The following TRAPPC3L variants were observed in gnomAD, a reference collection of about 807,000 sequenced individuals.
TRAPPC3L encodes the protein trafficking protein particle complex subunit 3-like protein.
TRAPPC3L carries 23 observed loss-of-function variants against 23.7 expected under a neutral mutation model. The ratio of observed to expected loss-of-function variants is 0.97; its 90% CI spans 0.70 to 1.37. The LOEUF (loss-of-function observed/expected upper bound fraction) is 1.37, where lower values mean the gene tolerates loss of function less well. Ranked by LOEUF, TRAPPC3L falls within the 40% of genes most tolerant of loss-of-function variation. TRAPPC3L has a pLI of 0.00. For missense variants in TRAPPC3L, 212 were observed against 216.8 expected (o/e 0.98, Z 0.14); for synonymous variants, 81 against 77.9 (o/e 1.04, Z -0.21).
chr6:116,544,365 C>A (rs1045524509), intron 1 of TRAPPC3L, among the ~76,000 whole-genome samples: 1 of 152,000 alleles, frequency 6.6e-6, no homozygotes. Context: ...ATATTGAAAT[C>A]TATTTTATTT....
At chr6:116,533,818 A>G (rs1172044373) in intron 3 of TRAPPC3L, among the ~76,000 whole-genome samples, 3 of 152,210 alleles carry the variant, frequency 2.0e-5, no homozygotes, top group African/African-American at 4.8e-5. Context: ...GGCAGGGCAT[A>G]GAATACCCAG....
At chr6:116,522,776 A>C (rs1471307637) in intron 3 of TRAPPC3L, 1 of 152,176 alleles carries the variant, frequency 6.6e-6, no homozygotes, top group Non-Finnish European at 1.5e-5. Context: ...GTCGTCTCTC[A>C]AAATGTTATC....
intron 3 of TRAPPC3L, chr6:116,523,522 A>G (rs1006110546): frequency 6.6e-6 from 1 of 152,092 alleles, no homozygotes; most frequent in African/African-American, 2.4e-5. Flanking sequence ...ACATTTTGCA[A>G]CCTTTGATGA....
At chr6:116,532,045 T>C (rs890530712) in intron 3 of TRAPPC3L, among the ~76,000 whole-genome samples, 5 of 152,180 alleles carry the variant, frequency 3.3e-5, no homozygotes, top group Admixed American at 6.5e-5. Flanking sequence ...GGATTTGTTA[T>C]TGTGAACAAC....
chr6:116,496,923 A>G lies in TRAPPC3L; in HGVS notation c.*31T>C. 3 of 1,532,268 alleles carry G rather than the reference A, an allele frequency of 2.0e-6. No individual in the cohort carries two copies. The highest frequency in any genetic ancestry group is 8.8e-7 in the Non-Finnish European group (1 of 1,142,322). The allele number at this position is 1,532,268 out of a possible 1,614,324, so 94.9% of individuals were successfully genotyped here. On this transcript the variant is annotated 3_prime_UTR_variant, in exon 5 of 5. Coordinates refer to ENST00000368602, the MANE Select transcript of TRAPPC3L (RefSeq NM_001139444.3). ...ATGTTTAGCTAACATTAACTCAGCT[A>G]GCCGCCCCGTGGCATTTTCCGTGCT... is the stretch of plus-strand genomic sequence containing the variant.
chr6:116,543,023 C>G (rs1335498929), intron 2 of TRAPPC3L, among the ~76,000 whole-genome samples: 1 of 152,090 alleles, frequency 6.6e-6, no homozygotes, highest in East Asian at 1.9e-4. Flanking sequence ...TTTACCACAT[C>G]TTTTGCTTAT....
intron 3 of TRAPPC3L, among the ~76,000 whole-genome samples, chr6:116,514,388 G>T (rs1248875624): frequency 6.6e-6 from 1 of 152,204 alleles, no homozygotes; most frequent in Non-Finnish European, 1.5e-5. Flanking sequence ...GATGGTAGTT[G>T]TGCCTCACTC....
chr6:116,534,342 T>C (rs535419326), intron 3 of TRAPPC3L, among the ~76,000 whole-genome samples: 13 of 152,232 alleles, frequency 8.5e-5, no homozygotes, highest in Non-Finnish European at 7.3e-5. Context: ...ATTGGAAATC[T>C]ATAGCCCTCA....
chr6:116,543,232 T>C, intron 2 of TRAPPC3L, 71 bp downstream of exon 2: 4 of 1,141,394 alleles, frequency 3.5e-6, no homozygotes, highest in Non-Finnish European at 3.8e-6. Flanking sequence ...AGGAAGTCAT[T>C]AGAGGCAGAA....
chr6:116,524,534 T>A (rs1174833807), intron 3 of TRAPPC3L: 1 of 152,252 alleles, frequency 6.6e-6, no homozygotes, highest in Non-Finnish European at 1.5e-5. Flanking sequence ...TAAGCATTAC[T>A]TCATTGTCTT....
chr6:116,535,147 T>C (rs1345980293), intron 3 of TRAPPC3L, among the ~76,000 whole-genome samples: 2 of 152,204 alleles, frequency 1.3e-5, no homozygotes, highest in African/African-American at 4.8e-5. Context: ...CACTCAGCTA[T>C]TTATGATTAT....
intron 3 of TRAPPC3L, chr6:116,522,682 G>A (rs1772366747): frequency 6.6e-6 from 1 of 152,100 alleles, no homozygotes; most frequent in Non-Finnish European, 1.5e-5. Context: ...ACTATTATTT[G>A]TCATTAATAT....
Position 116,537,959 on chromosome 6 carries a change from T to C in TRAPPC3L, c.240+2404A>G, listed in dbSNP as rs1583291316. Among the ~76,000 whole-genome samples, 4 of 152,232 alleles carry C rather than the reference T, an allele frequency of 2.6e-5. No homozygotes were observed. In the East Asian group the frequency reaches 7.7e-4, roughly 29 times the overall value. ...CCTGTGGCTAATAGAGAATGGAGAA[T>C]ATCCTGGTCGAGGACCACAGGTAAC... On this transcript the variant is annotated intron_variant, in intron 3 of 4. Coordinates refer to ENST00000368602, the MANE Select transcript of TRAPPC3L (RefSeq NM_001139444.3).
chr6:116,542,997 A>G (rs909465400), intron 2 of TRAPPC3L, among the ~76,000 whole-genome samples: 1 of 152,124 alleles, frequency 6.6e-6, no homozygotes, highest in Non-Finnish European at 1.5e-5. Flanking sequence ...CATGTTGTTA[A>G]TAGAATAATT....
In TRAPPC3L at chr6:116,543,278, A is replaced by G. The variant is rs551069814; in HGVS notation, c.140+25T>C. The G allele has an allele frequency of 1.5e-5, 22 of 1,504,252 alleles. No individual in the cohort carries two copies. The Admixed American group carries it at 1.6e-4, about 11-fold the overall frequency. 93.2% of individuals were successfully genotyped at this position (1,504,252 alleles called of 1,614,324 possible). A position where few individuals can be genotyped will look rare whatever the true frequency, so the allele number is the denominator to read the frequency against. On this transcript the variant is annotated intron_variant, in intron 2 of 4. Coordinates refer to ENST00000368602, the MANE Select transcript of TRAPPC3L (RefSeq NM_001139444.3). ...TGATGTAAGAAACAACAGCCATTCA[A>G]TAAGAATGAAGGACTTCCACTTACA... is the stretch of plus-strand genomic sequence containing the variant.
At chr6:116,520,000 A>T (rs1302451304) in intron 3 of TRAPPC3L, 1 of 152,226 alleles carries the variant, frequency 6.6e-6, no homozygotes, top group Non-Finnish European at 1.5e-5. Context: ...ACAAATCACT[A>T]CATAATTCTA....
chr6:116,522,540 T>C (rs1252420368), intron 3 of TRAPPC3L: 1 of 152,246 alleles, frequency 6.6e-6, no homozygotes, highest in Non-Finnish European at 1.5e-5. Flanking sequence ...ATCTACAGCA[T>C]GATTTGATAG....
intron 2 of TRAPPC3L, among the ~76,000 whole-genome samples, chr6:116,541,066 A>T (rs534592888): frequency 3.1e-4 from 47 of 152,234 alleles, no homozygotes; most frequent in African/African-American, 1.1e-3. Flanking sequence ...AAACTATGGG[A>T]TTGGGGGAAG....
At chr6:116,533,533 G>A (rs1402894307) in intron 3 of TRAPPC3L, among the ~76,000 whole-genome samples, 1 of 152,160 alleles carries the variant, frequency 6.6e-6, no homozygotes, top group Non-Finnish European at 1.5e-5. Flanking sequence ...GGTAGGATAG[G>A]GTCAAACGTG....
Sources: gnomAD v4.1 joint callset for allele counts (sites outside exome capture counted in the v4.1 genomes callset) on GRCh38, gnomAD v4.1.1 for gene constraint, MANE v1.5 for transcripts, NCBI Gene and HGNC (gene_info 2026-07-23, HGNC 2026-07-21) for gene names.